Variants in LTBP1 observed in about 807,000 individuals in gnomAD.
The protein encoded by LTBP1 is latent transforming growth factor beta binding protein 1.
In LTBP1, 129 loss-of-function variants were observed where a neutral mutation model predicts 207.6. The ratio of observed to expected loss-of-function variants is 0.62; its 90% CI spans 0.54 to 0.72. The LOEUF (loss-of-function observed/expected upper bound fraction) is 0.72. Ranked by LOEUF, LTBP1 falls within the 30% of genes least tolerant of loss-of-function variation. The pLI is 0.00. For missense variants in LTBP1, 2,281 were observed against 2,217.2 expected, an observed-to-expected ratio of 1.03 and a Z score of -0.58; for synonymous variants, 963 against 833.7, an observed-to-expected ratio of 1.16 and a Z score of -2.67.
chr2:33,193,519 C>G (rs34786663), intron 7 of LTBP1, among the ~76,000 whole-genome samples: 23,855 of 152,146 alleles, frequency 0.16, 2,488 homozygotes, highest in East Asian at 0.32. Context: ...AGTTTACAGG[C>G]ACACTTTCTT....
At chr2:33,364,069 C>T in intron 29 of LTBP1, 147 bp from the exon 30 acceptor site, 1 of 642,408 alleles carries the variant, frequency 1.6e-6, no homozygotes, top group Non-Finnish European at 2.6e-6. Context: ...GACAGAGCCA[C>T]TCTCTTTTGG....
At chr2:33,277,937 C>G (rs965716043) in intron 18 of LTBP1, among the ~76,000 whole-genome samples, 2 of 150,064 alleles carry the variant, frequency 1.3e-5, no homozygotes, top group African/African-American at 4.9e-5. Context: ...TCACATCATT[C>G]TCCTGCCTCA....
intron 3 of LTBP1, 141 bp from the exon 4 acceptor site, chr2:33,110,441 C>G (rs11124306): frequency 0.43 from 287,353 of 673,494 alleles, 62,408 homozygotes; most frequent in African/African-American, 0.52. Flanking sequence ...TGGTCAGCGA[C>G]AGTATTTGAA....
rs554904164 is a variant in LTBP1, at chr2:33,343,378, G to A, written c.3856+415G>A. On this transcript the variant is annotated intron_variant, in intron 25 of 33. Transcript: ENST00000404816. Reference sequence around the variant, plus strand: ...ATAAGCCGTGATCATGCCACTGCACGGCAGCTTGGGCAACAGAGAAAGACC... The same window carrying A: ...ATAAGCCGTGATCATGCCACTGCACAGCAGCTTGGGCAACAGAGAAAGACC... Among the ~76,000 whole-genome samples the A allele has an allele frequency of 4.0e-3, 584 of 146,548 alleles. 5 individuals carry two copies. The highest frequency in any genetic ancestry group is 0.011 in the African/African-American group (405 of 38,498).
chr2:32,996,875 G>A (rs770304739), intron 2 of LTBP1, among the ~76,000 whole-genome samples: 1 of 149,222 alleles, frequency 6.7e-6, no homozygotes, highest in South Asian at 2.1e-4. Flanking sequence ...TGGTATGGGT[G>A]GAACTTTTTT....
At chr2:33,108,619 G>C (rs2080208198) in intron 3 of LTBP1, among the ~76,000 whole-genome samples, 1 of 152,076 alleles carries the variant, frequency 6.6e-6, no homozygotes, top group African/African-American at 2.4e-5. Context: ...GGCTGTGGTT[G>C]GGGCACGAAT....
At chr2:33,055,241 A>G (rs1413549447) in intron 3 of LTBP1, among the ~76,000 whole-genome samples, 1 of 152,186 alleles carries the variant, frequency 6.6e-6, no homozygotes, top group African/African-American at 2.4e-5. Flanking sequence ...CTGATTGGGT[A>G]TTAAACTTAT....
At chr2:33,146,372 G>A (rs1030894445) in intron 5 of LTBP1, among the ~76,000 whole-genome samples, 3 of 152,162 alleles carry the variant, frequency 2.0e-5, no homozygotes, top group African/African-American at 7.2e-5. Flanking sequence ...CAAATAACAA[G>A]CCCCTATGAG....
chr2:33,333,001 G>A (rs2094514826), intron 24 of LTBP1: 1 of 152,262 alleles, frequency 6.6e-6, no homozygotes, highest in South Asian at 2.1e-4. Flanking sequence ...CTCAGCAAGG[G>A]TAGAGCTAGG....
intron 31 of LTBP1, among the ~76,000 whole-genome samples, chr2:33,370,766 C>T (rs930168552): frequency 1.3e-5 from 2 of 152,158 alleles, no homozygotes; most frequent in African/African-American, 4.8e-5. Flanking sequence ...ATCATGCATC[C>T]CATTTTCCTT....
chr2:33,143,794 T>C (rs979053629), intron 5 of LTBP1, among the ~76,000 whole-genome samples: 4 of 151,968 alleles, frequency 2.6e-5, no homozygotes, highest in African/African-American at 7.2e-5. Context: ...GTTGTTTTTT[T>C]TTTTTTTCTT....
At chr2:33,141,601 G>A (rs2082649907) in intron 5 of LTBP1, among the ~76,000 whole-genome samples, 1 of 152,168 alleles carries the variant, frequency 6.6e-6, no homozygotes, top group South Asian at 2.1e-4. Context: ...TGGAGAATGG[G>A]GAGTGTTGGT....
chr2:33,143,847 G>T (rs908527297), intron 5 of LTBP1, among the ~76,000 whole-genome samples: 3 of 150,782 alleles, frequency 2.0e-5, no homozygotes. Context: ...TTGACACTTG[G>T]TTGTCTAGCT....
At chr2:33,366,893 T>C (rs2094995058) in intron 31 of LTBP1, among the ~76,000 whole-genome samples, 1 of 152,088 alleles carries the variant, frequency 6.6e-6, no homozygotes. Context: ...CTCAAATCTT[T>C]TTTATTTATG....
At chr2:33,053,541 A>T (rs560640292) in intron 3 of LTBP1, among the ~76,000 whole-genome samples, 2 of 151,936 alleles carry the variant, frequency 1.3e-5, no homozygotes, top group Admixed American at 6.5e-5. Context: ...CGCCCAGTCT[A>T]CTAGATGAGT....
At chr2:33,203,972 G>C (rs115414544) in intron 7 of LTBP1, among the ~76,000 whole-genome samples, 2 of 152,302 alleles carry the variant, frequency 1.3e-5, no homozygotes, top group African/African-American at 4.8e-5. Context: ...TTTATAGCTG[G>C]TATTTCTGGG....
At chr2:33,077,561 C>A (rs2078149091) in intron 3 of LTBP1, among the ~76,000 whole-genome samples, 2 of 152,064 alleles carry the variant, frequency 1.3e-5, no homozygotes, top group African/African-American at 2.4e-5. Context: ...ACAACCAGAT[C>A]TTGTGAAAAC....
At chr2:32,991,840 C>A (rs1572973819) in intron 2 of LTBP1, among the ~76,000 whole-genome samples, 1 of 152,180 alleles carries the variant, frequency 6.6e-6, no homozygotes, top group African/African-American at 2.4e-5. Context: ...GGACAAAAAA[C>A]TCACTCCCTC....
chr2:33,215,949 G>C (rs909381667), intron 7 of LTBP1, among the ~76,000 whole-genome samples: 1 of 151,970 alleles, frequency 6.6e-6, no homozygotes, highest in South Asian at 2.1e-4. Flanking sequence ...TCCTGACCTC[G>C]TGATCTGCCT....
Sources: gnomAD v4.1 joint callset for allele counts (sites outside exome capture counted in the v4.1 genomes callset) on GRCh38, gnomAD v4.1.1 for gene constraint, MANE v1.5 for transcripts, NCBI Gene and HGNC (gene_info 2026-07-23, HGNC 2026-07-21) for gene names.